Variants in IL1RAPL1 observed in about 807,000 individuals in gnomAD.
The protein encoded by IL1RAPL1 is interleukin 1 receptor accessory protein like 1.
IL1RAPL1 carries 3 observed loss-of-function variants against 48.4 expected under a neutral mutation model. The ratio of observed to expected loss-of-function variants is 0.06; its 90% confidence interval spans 0.03 to 0.16. The LOEUF (loss-of-function observed/expected upper bound fraction) is 0.16. Among genes scored for constraint, IL1RAPL1 ranks in the 10% least tolerant of loss-of-function variants. IL1RAPL1 has a pLI of 1.00. For missense variants in IL1RAPL1, 349 were observed against 530.6 expected (o/e 0.66, Z 3.36); for synonymous variants, 185 against 187.7 (o/e 0.99, Z 0.12).
At chrX:29,143,187 T>TA (rs1929279630) in intron 2 of IL1RAPL1, among the ~76,000 whole-genome samples, 1 of 111,762 alleles carries the variant, frequency 8.9e-6, no homozygotes, top group Admixed American at 9.6e-5. Context: ...ACAATTTATT[T>TA]TTTTTATTAT....
intron 5 of IL1RAPL1, among the ~76,000 whole-genome samples, chrX:29,400,089 G>A (rs1933974775): frequency 1.8e-5 from 2 of 111,522 alleles, no homozygotes; most frequent in Admixed American, 1.9e-4. Flanking sequence ...TTCAGGTGCA[G>A]TCATTGAATA....
At chrX:28,964,388 G>A (rs756979170) in intron 2 of IL1RAPL1, among the ~76,000 whole-genome samples, 2 of 111,465 alleles carry the variant, frequency 1.8e-5, no homozygotes, top group Non-Finnish European at 3.8e-5. Flanking sequence ...TTGCTGCATA[G>A]TATTCCATAC....
intron 1 of IL1RAPL1, among the ~76,000 whole-genome samples, chrX:28,677,593 C>CT (rs756479795): frequency 4.3e-4 from 45 of 104,334 alleles, no homozygotes; most frequent in South Asian, 8.2e-4. Context: ...CTTCTGATAC[C>CT]TTTTTTTTTT....
At chrX:28,751,677 T>A (rs773042616) in intron 1 of IL1RAPL1, among the ~76,000 whole-genome samples, 16 of 112,362 alleles carry the variant, frequency 1.4e-4, no homozygotes, top group Non-Finnish European at 2.8e-4. Context: ...AGAGATCATG[T>A]CAGTCTTCGG....
rs796421141 is a variant in IL1RAPL1, at chrX:29,810,613, T to C, written c.779-106851T>C. Among the ~76,000 whole-genome samples the C allele has an allele frequency of 3.6e-5, 4 of 111,701 alleles. No individual in the cohort carries two copies. The East Asian group carries it at 1.1e-3, about 31-fold the overall frequency. On this transcript the variant is annotated intron_variant, in intron 6 of 10. Transcript: ENST00000378993. ...AATATTATGTCAGCCTCATTCTCTT[T>C]CTCCTCTTCTCATGGAATTCCACTT...
At chrX:29,928,630 A>G (rs146741595) in intron 8 of IL1RAPL1, among the ~76,000 whole-genome samples, 2,813 of 112,045 alleles carry the variant, frequency 0.025, 85 homozygotes, top group African/African-American at 0.087. Flanking sequence ...TTACTAGTGG[A>G]CTGACTGACC....
intron 1 of IL1RAPL1, among the ~76,000 whole-genome samples, chrX:28,758,114 A>C (rs1936125198): frequency 8.9e-6 from 1 of 112,193 alleles, no homozygotes; most frequent in Non-Finnish European, 1.9e-5. Flanking sequence ...GTTGAAAGCC[A>C]CTCAGGCTAT....
chrX:29,292,968 G>T (rs1179938548), intron 3 of IL1RAPL1, among the ~76,000 whole-genome samples: 1 of 111,173 alleles, frequency 9.0e-6, no homozygotes, highest in African/African-American at 3.3e-5. Flanking sequence ...GTAGTTTTTT[G>T]GTAGAGACAT....
chrX:29,568,407 G>C (rs1268370718), intron 5 of IL1RAPL1, among the ~76,000 whole-genome samples: 1 of 109,737 alleles, frequency 9.1e-6, no homozygotes, highest in Non-Finnish European at 1.9e-5. Context: ...TTAAAAGAGA[G>C]CCATGCATGG....
At chrX:29,203,038 A>T (rs752449201) in intron 2 of IL1RAPL1, among the ~76,000 whole-genome samples, 1 of 112,126 alleles carries the variant, frequency 8.9e-6, no homozygotes, top group African/African-American at 3.2e-5. Flanking sequence ...TTGTCAAGAC[A>T]GACTACTACA....
intron 1 of IL1RAPL1, among the ~76,000 whole-genome samples, chrX:28,758,658 A>G (rs1394753646): frequency 1.8e-5 from 2 of 111,579 alleles, no homozygotes; most frequent in Non-Finnish European, 3.8e-5. Flanking sequence ...AAAAAAAGGG[A>G]TGCTCAGCAT....
chrX:29,739,699 A>G (rs1928145627), intron 6 of IL1RAPL1, among the ~76,000 whole-genome samples: 1 of 111,615 alleles, frequency 9.0e-6, no homozygotes, highest in African/African-American at 3.3e-5. Context: ...AAGAAGTGAC[A>G]TGTTGCAAAT....
At chrX:28,791,758 A>G (rs1040441866) in intron 2 of IL1RAPL1, among the ~76,000 whole-genome samples, 5 of 111,554 alleles carry the variant, frequency 4.5e-5, no homozygotes, top group African/African-American at 1.6e-4. Flanking sequence ...TGTTTGTTTG[A>G]TTTTTGGATA....
chrX:29,224,106 C>T (rs1049302884), intron 2 of IL1RAPL1, among the ~76,000 whole-genome samples: 3 of 111,048 alleles, frequency 2.7e-5, no homozygotes, highest in Non-Finnish European at 5.7e-5. Context: ...GATAACCTCC[C>T]AGACTGATTC....
At position 29,396,270 on chromosome X, in the gene IL1RAPL1, C is replaced by T. The variant is rs1933918055; in HGVS notation, c.375C>T (p.Tyr125=). ...LYACVIRNST[Y]CMKVSISLTV... The stretch of plus-strand genomic sequence containing the variant: ...TGCTTTGTTACAGAAACTCCACTTA[C>T]TGTATGAAAGTATCCATCTCACTGA... Residue 125 remains tyrosine, a synonymous_variant, in exon 4 of 11, where the codon TAC becomes TAT. Coordinates refer to ENST00000378993, the MANE Select transcript of IL1RAPL1 (RefSeq NM_014271.4). 2.5e-6 allele frequency: 3 copies of T among 1,203,518 alleles called. No homozygotes were observed. The highest frequency in any genetic ancestry group is 3.5e-5 in the African/African-American group (2 of 57,274).
chrX:28,946,730 T>C (rs1924315692), intron 2 of IL1RAPL1, among the ~76,000 whole-genome samples: 1 of 111,295 alleles, frequency 9.0e-6, no homozygotes, highest in Non-Finnish European at 1.9e-5. Flanking sequence ...GTTTCCACTC[T>C]CAATTTCTCC....
chrX:29,906,925 T>C (rs1294635977), intron 6 of IL1RAPL1, among the ~76,000 whole-genome samples: 3 of 109,803 alleles, frequency 2.7e-5, no homozygotes, highest in Non-Finnish European at 5.7e-5. Flanking sequence ...TTAAGTAAAA[T>C]AAGAAAAAAA....
chrX:28,616,855 A>G (rs551164590), intron 1 of IL1RAPL1, among the ~76,000 whole-genome samples: 8 of 112,788 alleles, frequency 7.1e-5, no homozygotes, highest in African/African-American at 1.9e-4. Context: ...ATTGCAGCAA[A>G]AAAGGAGATA....
chrX:29,479,642 A>G, intron 5 of IL1RAPL1, among the ~76,000 whole-genome samples: 1 of 108,846 alleles, frequency 9.2e-6, no homozygotes, highest in Non-Finnish European at 1.9e-5. Flanking sequence ...TGTACGCTAT[A>G]ATGTAGTCTT....
Sources: gnomAD v4.1 joint callset for allele counts (sites outside exome capture counted in the v4.1 genomes callset) on GRCh38, gnomAD v4.1.1 for gene constraint, MANE v1.5 for transcripts, NCBI Gene and HGNC (gene_info 2026-07-23, HGNC 2026-07-21) for gene names.